The following DPP6 variants were observed in gnomAD, a reference collection of about 807,000 sequenced individuals.
DPP6 encodes dipeptidyl peptidase like 6.
A neutral mutation model predicts 122.6 loss-of-function variants in DPP6; 69 were observed. That is an observed-to-expected ratio of 0.56 (90% CI 0.46 to 0.69). DPP6 has a LOEUF of 0.69. Ranked by LOEUF, DPP6 falls within the 30% of genes least tolerant of loss-of-function variation. The pLI is 0.00. For synonymous variants in DPP6, 418 were observed against 433.1 expected (o/e 0.97, Z 0.43); for missense variants, 928 against 1,116.9 (o/e 0.83, Z 2.41).
At chr7:154,131,994 G>C (rs1351850674) in intron 1 of DPP6, among the ~76,000 whole-genome samples, 1 of 152,104 alleles carries the variant, frequency 6.6e-6, no homozygotes, top group Non-Finnish European at 1.5e-5. Context: ...TAAATAAAAC[G>C]ATATTTTTGA....
At chr7:154,267,528 G>A (rs58497920) in intron 1 of DPP6, among the ~76,000 whole-genome samples, 63,531 of 148,846 alleles carry the variant, frequency 0.43, 13,845 homozygotes, top group South Asian at 0.55. Context: ...TTATATATGC[G>A]TGTACATATT....
At chr7:154,472,713 G>C (rs747215951) in intron 2 of DPP6, among the ~76,000 whole-genome samples, 1 of 152,204 alleles carries the variant, frequency 6.6e-6, no homozygotes, top group Non-Finnish European at 1.5e-5. Context: ...TTAGATATCA[G>C]TTGAATGTGC....
In DPP6 at chr7:154,618,667, A is replaced by G. The variant is rs1293103886; in HGVS notation, c.628-19154A>G. Among the ~76,000 whole-genome samples the G allele has an allele frequency of 6.6e-6, 1 of 152,146 alleles. No individual in the cohort carries two copies. The highest frequency in any genetic ancestry group is 1.5e-5 in the Non-Finnish European group (1 of 68,026). ...CCCAGCTTCCACCCTCCTGATGGGG[A>G]CCATATCCATGTGCTGCTCTTACAT... On this transcript the variant is annotated intron_variant, in intron 5 of 25. Coordinates refer to ENST00000377770, the MANE Select transcript of DPP6 (RefSeq NM_130797.4). The surrounding 1 kb of genome is among the most constrained non-coding windows in gnomAD (Gnocchi z 4.1).
At chr7:154,061,187 C>CGT (rs774383312) in intron 1 of DPP6, among the ~76,000 whole-genome samples, 1 of 141,028 alleles carries the variant, frequency 7.1e-6, no homozygotes, top group Non-Finnish European at 1.6e-5. Flanking sequence ...GGATCCCAAA[C>CGT]TGCAGTATTA....
the DPP6 span, among the ~76,000 whole-genome samples, chr7:153,766,373 GA>G: frequency 6.6e-6 from 1 of 152,162 alleles, no homozygotes. Context: ...GTAGTCTCCA[GA>G]GGTCTAGCCA....
chr7:154,327,328 A>G (rs184868883), intron 1 of DPP6, among the ~76,000 whole-genome samples: 12 of 152,262 alleles, frequency 7.9e-5, no homozygotes, highest in Admixed American at 7.8e-4. Flanking sequence ...GTTTATGGCA[A>G]TTGCCCTGAC....
At chr7:154,797,635 C>T (rs983289909) in intron 12 of DPP6, among the ~76,000 whole-genome samples, 8 of 151,898 alleles carry the variant, frequency 5.3e-5, no homozygotes, top group South Asian at 2.1e-4. Flanking sequence ...GTCCCAAGGC[C>T]GGGGGAGTAT....
chr7:153,787,353 A>G, the DPP6 span, among the ~76,000 whole-genome samples: 1 of 148,494 alleles, frequency 6.7e-6, no homozygotes, highest in African/African-American at 2.5e-5. Context: ...AAAAGGCAGC[A>G]GTATAATATC....
intron 1 of DPP6, among the ~76,000 whole-genome samples, chr7:154,248,753 C>G (rs1802152928): frequency 6.6e-6 from 1 of 151,976 alleles, no homozygotes; most frequent in South Asian, 2.1e-4. Context: ...GTAATTCCAG[C>G]TACTCAGGAG....
At chr7:153,917,832 T>G (rs1474968325) in intron 1 of DPP6, among the ~76,000 whole-genome samples, 1 of 152,264 alleles carries the variant, frequency 6.6e-6, no homozygotes. Context: ...AAGTATACAT[T>G]ACTTTTATCT....
chr7:154,422,612 A>T (rs1817556230), intron 1 of DPP6, among the ~76,000 whole-genome samples: 1 of 151,252 alleles, frequency 6.6e-6, no homozygotes. Flanking sequence ...GGTTGGATGG[A>T]TGGATGGATG....
At chr7:154,810,460 A>G (rs1411251679) in intron 16 of DPP6, among the ~76,000 whole-genome samples, 2 of 152,244 alleles carry the variant, frequency 1.3e-5, no homozygotes, top group Non-Finnish European at 2.9e-5. Flanking sequence ...AGAGCACTAT[A>G]GGGTGGCTCC....
intron 1 of DPP6, among the ~76,000 whole-genome samples, chr7:154,193,303 C>T (rs928047428): frequency 3.9e-5 from 6 of 152,188 alleles, no homozygotes; most frequent in Admixed American, 2.0e-4. Context: ...ACAGCATTCT[C>T]GTGTGTAGTA....
intron 1 of DPP6, among the ~76,000 whole-genome samples, chr7:154,005,052 A>C (rs572422873): frequency 7.2e-5 from 11 of 152,288 alleles, no homozygotes; most frequent in African/African-American, 2.6e-4. Context: ...GAAAAAAAAA[A>C]GCATATGACT....
chr7:154,655,577 C>T (rs1837184971), intron 6 of DPP6, among the ~76,000 whole-genome samples: 1 of 152,210 alleles, frequency 6.6e-6, no homozygotes, highest in South Asian at 2.1e-4. Context: ...GTACACCTTC[C>T]TGCATTCTCT....
At chr7:153,912,813 G>GC (rs1800146874) in intron 1 of DPP6, among the ~76,000 whole-genome samples, 1 of 152,116 alleles carries the variant, frequency 6.6e-6, no homozygotes, top group Admixed American at 6.5e-5. Flanking sequence ...AGCTGTTAGA[G>GC]CCCCACACAG....
chr7:154,559,947 G>GAT (rs1426789588), intron 4 of DPP6, among the ~76,000 whole-genome samples: 2 of 67,860 alleles, frequency 2.9e-5, no homozygotes, highest in Non-Finnish European at 5.6e-5. Context: ...TAAAGATATA[G>GAT]ATATATATAA....
At chr7:153,825,422 G>C in the DPP6 span, among the ~76,000 whole-genome samples, 2 of 152,104 alleles carry the variant, frequency 1.3e-5, no homozygotes, top group African/African-American at 4.8e-5. Flanking sequence ...TGGAGGCACA[G>C]CTGATGAAAT....
intron 1 of DPP6, among the ~76,000 whole-genome samples, chr7:154,236,880 G>A (rs1328398756): frequency 6.6e-6 from 1 of 152,168 alleles, no homozygotes; most frequent in Admixed American, 6.5e-5. Flanking sequence ...AGGATATTGT[G>A]TGTCCTGGAG....
Sources: gnomAD v4.1 joint callset for allele counts (sites outside exome capture counted in the v4.1 genomes callset) on GRCh38, gnomAD v4.1.1 for gene constraint, Gnocchi (gnomAD v3.1) non-coding constraint, MANE v1.5 for transcripts, NCBI Gene and HGNC (gene_info 2026-07-23, HGNC 2026-07-21) for gene names.